Variants in FSTL5 observed in about 807,000 individuals in gnomAD.
FSTL5 encodes the protein follistatin-related protein 5.
A neutral mutation model predicts 89.1 loss-of-function variants in FSTL5; 62 were observed. The observed-to-expected ratio is 0.70, with a 90% CI of 0.57 to 0.86. FSTL5 has a LOEUF of 0.86. FSTL5 is among the 40% of genes least tolerant of loss of function. The pLI is 0.00. For synonymous variants in FSTL5, 383 were observed against 346.2 expected, an observed-to-expected ratio of 1.11 and a Z score of -1.18; for missense variants, 1,057 against 1,001.6, an observed-to-expected ratio of 1.06 and a Z score of -0.75.
chr4:162,077,068 T>C (rs1349316176), intron 2 of FSTL5, among the ~76,000 whole-genome samples: 3 of 151,852 alleles, frequency 2.0e-5, no homozygotes, highest in Non-Finnish European at 4.4e-5. Context: ...AAAAACTGGA[T>C]ACCTGTCACT....
At chr4:161,543,664 A>G (rs1560946229) in intron 8 of FSTL5, among the ~76,000 whole-genome samples, 1 of 151,866 alleles carries the variant, frequency 6.6e-6, no homozygotes, top group East Asian at 1.9e-4. Flanking sequence ...ATTGATGGTC[A>G]TTTTTTTTCC....
At chr4:161,595,580 T>C (rs1016811489) in intron 7 of FSTL5, among the ~76,000 whole-genome samples, 6 of 152,184 alleles carry the variant, frequency 3.9e-5, no homozygotes, top group South Asian at 2.1e-4. Context: ...ATATGTAAAA[T>C]TGCGAAAATT....
In FSTL5 at chr4:161,949,131, C is replaced by T. The variant is rs79760222; in HGVS notation, c.161-28479G>A. Among the ~76,000 whole-genome samples the T allele has an allele frequency of 2.1e-3, 313 of 152,224 alleles. 1 individual carries two copies. Among genetic ancestry groups the T allele is most frequent in the African/African-American group, 7.2e-3 (299 of 41,542 alleles). ...TCCACAGGCTGCCTGCATTCCTTCG[C>T]GTGTGGTTCCTTAGCACCTTCAAAT... On this transcript the variant is annotated intron_variant, in intron 3 of 15. Coordinates refer to ENST00000306100, the MANE Select transcript of FSTL5 (RefSeq NM_020116.5).
At chr4:161,542,724 T>C (rs1011890084) in intron 8 of FSTL5, 31 bp from the exon 9 acceptor site, 7 of 1,328,916 alleles carry the variant, frequency 5.3e-6, no homozygotes, top group Non-Finnish European at 2.0e-6. Flanking sequence ...GAAAGTGAAT[T>C]AGTGATTCAT....
intron 4 of FSTL5, among the ~76,000 whole-genome samples, chr4:161,858,757 T>TA (rs1279893545): frequency 1.3e-5 from 2 of 152,216 alleles, no homozygotes; most frequent in Non-Finnish European, 2.9e-5. Context: ...CTTCTGCCTC[T>TA]ACTCCTTCCT....
intron 6 of FSTL5, among the ~76,000 whole-genome samples, chr4:161,686,538 T>A (rs1737752759): frequency 6.7e-6 from 1 of 150,332 alleles, no homozygotes. Flanking sequence ...TTTTTGGTAT[T>A]TTTCGTAGAG....
At chr4:161,597,043 C>T (rs903543124) in intron 7 of FSTL5, among the ~76,000 whole-genome samples, 1 of 152,110 alleles carries the variant, frequency 6.6e-6, no homozygotes, top group Non-Finnish European at 1.5e-5. Context: ...CATTAGATCC[C>T]ATTTGTCAAT....
intron 6 of FSTL5, among the ~76,000 whole-genome samples, chr4:161,754,545 T>C (rs1356543347): frequency 6.6e-6 from 1 of 152,124 alleles, no homozygotes; most frequent in Non-Finnish European, 1.5e-5. Flanking sequence ...TCAAAGTAAT[T>C]TATTATTTAA....
At chr4:161,640,551 AT>A in intron 7 of FSTL5, among the ~76,000 whole-genome samples, 1 of 152,308 alleles carries the variant, frequency 6.6e-6, no homozygotes, top group South Asian at 2.1e-4. Context: ...TCAAATGCAG[AT>A]TTTAACAGGA....
At chr4:162,086,157 A>T (rs1414023026) in intron 2 of FSTL5, among the ~76,000 whole-genome samples, 1 of 152,000 alleles carries the variant, frequency 6.6e-6, no homozygotes, top group Non-Finnish European at 1.5e-5. Flanking sequence ...GCATTCTTGA[A>T]GTATCTAATT....
At chr4:161,917,143 A>G (rs1226402641) in intron 4 of FSTL5, among the ~76,000 whole-genome samples, 1 of 152,068 alleles carries the variant, frequency 6.6e-6, no homozygotes, top group Non-Finnish European at 1.5e-5. Context: ...TTTTTAGTAG[A>G]GACGGGGTTT....
In FSTL5 at chr4:161,775,902, A is replaced by G; in HGVS notation, c.582T>C (p.Leu194=). ...FKYFDADSNG[L]VDINELTQVI... is the part of the protein sequence containing the mutation. ...CCTGAGTTAGTTCATTAATATCTAC[A>G]AGTCCATTACTGTCTGCATCAAAAT... Residue 194 remains leucine (L), a synonymous_variant, in exon 5 of 16, where the codon CTT becomes CTC. Transcript: ENST00000306100. The G allele has an allele frequency of 6.4e-7, 1 of 1,571,862 alleles. No individual in the cohort carries two copies.
At chr4:161,550,394 C>T (rs927830882) in intron 8 of FSTL5, among the ~76,000 whole-genome samples, 5 of 151,680 alleles carry the variant, frequency 3.3e-5, no homozygotes, top group Non-Finnish European at 5.9e-5. Context: ...AATGATTGTC[C>T]TAGTATTTCT....
At chr4:162,144,320 T>C (rs1732886608) in intron 1 of FSTL5, among the ~76,000 whole-genome samples, 1 of 152,208 alleles carries the variant, frequency 6.6e-6, no homozygotes. Flanking sequence ...TGTTCTATTA[T>C]CGATGTAACT....
chr4:161,893,198 G>GT (rs1259745622), intron 4 of FSTL5, among the ~76,000 whole-genome samples: 3 of 152,132 alleles, frequency 2.0e-5, no homozygotes, highest in East Asian at 3.9e-4. Context: ...TACAGCTGTA[G>GT]TTGGCATCAT....
At chr4:162,021,859 G>A (rs1219087133) in intron 3 of FSTL5, among the ~76,000 whole-genome samples, 2 of 152,054 alleles carry the variant, frequency 1.3e-5, no homozygotes, top group African/African-American at 2.4e-5. Flanking sequence ...TTGGGAGGCC[G>A]AGGCGGGTGG....
At chr4:161,564,370 T>C (rs1246366176) in intron 8 of FSTL5, among the ~76,000 whole-genome samples, 1 of 151,096 alleles carries the variant, frequency 6.6e-6, no homozygotes, top group South Asian at 2.1e-4. Flanking sequence ...TATATATATA[T>C]ATAAAAGTGT....
chr4:161,622,317 T>C (rs1303499509), intron 7 of FSTL5, among the ~76,000 whole-genome samples: 1 of 152,092 alleles, frequency 6.6e-6, no homozygotes, highest in African/African-American at 2.4e-5. Flanking sequence ...AATTAATTCA[T>C]ACCAATGTTA....
At chr4:162,038,413 A>G (rs1737822433) in intron 2 of FSTL5, among the ~76,000 whole-genome samples, 2 of 151,922 alleles carry the variant, frequency 1.3e-5, no homozygotes, top group African/African-American at 4.8e-5. Context: ...TAATAAATAC[A>G]AGAGTCAACA....
Sources: gnomAD v4.1 joint callset for allele counts (sites outside exome capture counted in the v4.1 genomes callset) on GRCh38, gnomAD v4.1.1 for gene constraint, MANE v1.5 for transcripts, NCBI Gene and HGNC (gene_info 2026-07-23, HGNC 2026-07-21) for gene names.